COMMD9: variants seen among roughly 807,000 people sequenced by gnomAD.
The protein encoded by COMMD9 is COMM domain containing 9.
Under a neutral mutation model 23.4 loss-of-function variants are expected in COMMD9, and 22 were observed. The ratio of observed to expected loss-of-function variants is 0.94; its 90% CI spans 0.67 to 1.34. The LOEUF is 1.34. Ranked by LOEUF, COMMD9 falls within the 40% of genes most tolerant of loss-of-function variation. The probability of loss-of-function intolerance (pLI) is 0.00; values close to 1 mark genes in which losing one functional copy is unlikely to be tolerated. For missense variants in COMMD9, 231 were observed against 240.2 expected (o/e 0.96, Z 0.25); for synonymous variants, 99 against 97.4 (o/e 1.02, Z -0.10).
chr11:36,275,541 TCAA>T (rs1855955971), intron 5 of COMMD9, among the ~76,000 whole-genome samples: 1 of 151,866 alleles, frequency 6.6e-6, no homozygotes, highest in South Asian at 2.1e-4. Flanking sequence ...CCTCCTTGGT[TCAA>T]GCGATTCTCC....
At chr11:36,284,235 G>C (rs774309935) in intron 1 of COMMD9, among the ~76,000 whole-genome samples, 4 of 152,146 alleles carry the variant, frequency 2.6e-5, no homozygotes, top group African/African-American at 7.2e-5. Context: ...GAAAGTAAGA[G>C]TGGCTAAATT....
At position 36,274,315 on chromosome 11, in the gene COMMD9, C is replaced by A. The variant is rs1380696282; in HGVS notation, c.*317G>T. 2 of 572,538 alleles carry A rather than the reference C, an allele frequency of 3.5e-6. No individual in the cohort carries two copies. The highest frequency in any genetic ancestry group is 8.3e-5 in the East Asian group (2 of 24,188). The allele number at this position is 572,538 out of a possible 1,614,324, so 35.5% of individuals were successfully genotyped here. ...ATGATTTGGGCCTGAATTTCTCAAA[C>A]AGCTATGCAGAGGCAGCTGACGATG... is the stretch of plus-strand genomic sequence containing the variant. On this transcript the variant is annotated 3_prime_UTR_variant, in exon 6 of 6. Coordinates refer to ENST00000263401, the MANE Select transcript of COMMD9 (RefSeq NM_014186.4).
At position 36,274,500 on chromosome 11, in the gene COMMD9, G is replaced by A; in HGVS notation, c.*132C>T. On this transcript the variant is annotated 3_prime_UTR_variant, in exon 6 of 6. Transcript: ENST00000263401. ...CCCAATCCAACTGTAACTTCTGGAT[G>A]GCAGTAGCCCCCTGCTGTCCCCACC... is the stretch of plus-strand genomic sequence containing the variant. 1 of 1,104,674 alleles carries A rather than the reference G, an allele frequency of 9.1e-7. No homozygotes were observed. Among genetic ancestry groups the A allele is most frequent in the Non-Finnish European group, 1.4e-6 (1 of 737,998 alleles). 68.4% of individuals were successfully genotyped at this position (1,104,674 alleles called of 1,614,324 possible). A position where few individuals can be genotyped will look rare whatever the true frequency, so the allele number is the denominator to read the frequency against.
chr11:36,281,572 C>G (rs1320327342), intron 1 of COMMD9, among the ~76,000 whole-genome samples: 4 of 152,194 alleles, frequency 2.6e-5, no homozygotes, highest in Admixed American at 2.0e-4. Context: ...AACAAGGAAC[C>G]TCTGCTTTCA....
intron 2 of COMMD9, among the ~76,000 whole-genome samples, chr11:36,279,697 C>A (rs943625730): frequency 6.6e-6 from 1 of 152,188 alleles, no homozygotes; most frequent in Non-Finnish European, 1.5e-5. Context: ...AATCATCTCC[C>A]AAATAATCTA....
At chr11:36,289,287 G>T (rs1856226777) in intron 1 of COMMD9, 75 bp downstream of exon 1, 1 of 1,424,862 alleles carries the variant, frequency 7.0e-7, no homozygotes, top group African/African-American at 1.4e-5. Flanking sequence ...GGGTCAATTT[G>T]TTCCCAATTC....
chr11:36,276,879 G>GT (rs1426506452), intron 4 of COMMD9: 1 of 390,648 alleles, frequency 2.6e-6, no homozygotes, highest in Non-Finnish European at 4.6e-6. Flanking sequence ...GGATATTTCT[G>GT]TTTTTTAACA....
At chr11:36,288,107 CTTCATTTATTAA>C (rs998217040) in intron 1 of COMMD9, among the ~76,000 whole-genome samples, 33 of 152,238 alleles carry the variant, frequency 2.2e-4, no homozygotes, top group African/African-American at 7.9e-4. Flanking sequence ...AGCTCTGTTA[CTTCATTTATTAA>C]TTCATTTAAC....
chr11:36,288,181 G>A (rs546393636), intron 1 of COMMD9, among the ~76,000 whole-genome samples: 17 of 152,136 alleles, frequency 1.1e-4, no homozygotes, highest in African/African-American at 3.9e-4. Context: ...TCTACTTATT[G>A]GGCATTAACA....
At chr11:36,288,176 T>C (rs1221468539) in intron 1 of COMMD9, among the ~76,000 whole-genome samples, 1 of 152,110 alleles carries the variant, frequency 6.6e-6, no homozygotes, top group African/African-American at 2.4e-5. Context: ...ATTGTTCTAC[T>C]TATTGGGCAT....
intron 1 of COMMD9, among the ~76,000 whole-genome samples, chr11:36,285,672 T>C (rs915629489): frequency 2.6e-5 from 4 of 152,050 alleles, no homozygotes; most frequent in African/African-American, 9.6e-5. Flanking sequence ...TATTAGCAAA[T>C]AGAGACATAT....
intron 1 of COMMD9, among the ~76,000 whole-genome samples, chr11:36,285,577 G>C (rs1248454485): frequency 2.6e-5 from 4 of 151,916 alleles, no homozygotes; most frequent in Admixed American, 2.6e-4. Context: ...GAAAACTACA[G>C]ACCAATATCC....
chr11:36,274,155 G>C lies in COMMD9; in HGVS notation c.*477C>G, dbSNP rs914147323. The C allele has an allele frequency of 2.4e-6, 1 of 424,700 alleles. No individual in the cohort carries two copies. The highest frequency in any genetic ancestry group is 2.0e-5 in the African/African-American group (1 of 49,752). The allele number at this position is 424,700 out of a possible 1,614,324, so 26.3% of individuals were successfully genotyped here. On this transcript the variant is annotated 3_prime_UTR_variant, in exon 6 of 6. Coordinates refer to ENST00000263401, the MANE Select transcript of COMMD9 (RefSeq NM_014186.4). ...ACTCTGGATGGACCATGCTCTGTGG[G>C]CTCTGCCTGGCTTCCCTGACAGAGG... is the stretch of plus-strand genomic sequence containing the variant.
At chr11:36,281,826 C>A (rs184203433) in intron 1 of COMMD9, among the ~76,000 whole-genome samples, 1 of 152,104 alleles carries the variant, frequency 6.6e-6, no homozygotes, top group Non-Finnish European at 1.5e-5. Context: ...GATGTCAACA[C>A]CAAGATGACA....
chr11:36,286,667 A>G (rs1017096869), intron 1 of COMMD9, among the ~76,000 whole-genome samples: 1 of 152,166 alleles, frequency 6.6e-6, no homozygotes, highest in Non-Finnish European at 1.5e-5. Context: ...AATGAAATAC[A>G]GGATGTGCAT....
chr11:36,274,583 T>C lies in COMMD9; in HGVS notation c.*49A>G. ...CAGCCTGCATATGGGGAGACATTTA[T>C]CACTCATGAGCAGCTGGGTCATGGC... On this transcript the variant is annotated 3_prime_UTR_variant, in exon 6 of 6. Coordinates refer to ENST00000263401, the MANE Select transcript of COMMD9 (RefSeq NM_014186.4). 6.2e-7 allele frequency: 1 copy of C among 1,610,204 alleles called. No homozygotes were observed. The highest frequency in any genetic ancestry group is 8.5e-7 in the Non-Finnish European group (1 of 1,177,566).
Position 36,289,160 on chromosome 11 carries a change from T to TA in COMMD9, c.51+201dup, listed in dbSNP as rs373333770. Among the ~76,000 whole-genome samples, 277 of 152,276 alleles carry TA rather than the reference T, an allele frequency of 1.8e-3. 1 individual carries two copies. The highest frequency in any genetic ancestry group is 6.4e-3 in the African/African-American group (265 of 41,566). On this transcript the variant is annotated intron_variant, in intron 1 of 5. Transcript: ENST00000263401. ...TCATGCCCATTATTTTATTTTTTTT[T>TA]ATCTTACGTTCCTGTCAAAACGATA... is the stretch of plus-strand genomic sequence containing the variant.
intron 1 of COMMD9, among the ~76,000 whole-genome samples, chr11:36,284,351 T>C (rs750753753): frequency 5.9e-5 from 9 of 152,200 alleles, no homozygotes; most frequent in Non-Finnish European, 1.3e-4. Context: ...TAAATGTGTA[T>C]GTACCCAACA....
intron 1 of COMMD9, among the ~76,000 whole-genome samples, chr11:36,286,978 A>G (rs1856169141): frequency 6.6e-6 from 1 of 151,962 alleles, no homozygotes; most frequent in South Asian, 2.1e-4. Flanking sequence ...GACATTAGGT[A>G]TTGACATCCA....
Sources: allele counts gnomAD v4.1 joint callset (sites outside exome capture counted in the v4.1 genomes callset), GRCh38; gene constraint gnomAD v4.1.1; transcripts MANE v1.5; gene names NCBI Gene and HGNC (gene_info 2026-07-23, HGNC 2026-07-21).